The following CAPZA1 variants were observed in gnomAD, a reference collection of about 807,000 sequenced individuals.
The protein encoded by CAPZA1 is F-actin-capping protein subunit alpha-1.
In CAPZA1, 10 loss-of-function variants were observed where a neutral mutation model predicts 40.8. The observed-to-expected ratio is 0.25, with a 90% CI of 0.15 to 0.42. The LOEUF (loss-of-function observed/expected upper bound fraction) is 0.42, where lower values mean the gene tolerates loss of function less well. Ranked by LOEUF, CAPZA1 falls within the 10% of genes least tolerant of loss-of-function variation. The pLI, the probability that CAPZA1 is intolerant of heterozygous loss-of-function variation, is 1.00. For missense variants in CAPZA1, 277 were observed against 353.8 expected (o/e 0.78, Z 1.74); for synonymous variants, 98 against 115.0 (o/e 0.85, Z 0.95).
At chr1:112,626,617 A>G (rs546288456) in intron 1 of CAPZA1, among the ~76,000 whole-genome samples, 2 of 152,284 alleles carry the variant, frequency 1.3e-5, no homozygotes, top group South Asian at 4.1e-4. Flanking sequence ...ACCTGTCCAC[A>G]TTCCATCTAC....
chr1:112,669,576 A>G lies in CAPZA1; in HGVS notation c.691A>G (p.Ile231Val). 2 of 1,610,124 alleles carry G rather than the reference A, an allele frequency of 1.2e-6. No individual in the cohort carries two copies. The highest frequency in any genetic ancestry group is 1.7e-6 in the Non-Finnish European group (2 of 1,176,820). The change falls in exon 9 of 10, where the codon ATC becomes GTC. Residue 231 changes from isoleucine to valine, a missense_variant. By Grantham distance (29) the Ile-to-Val change is conservative. This residue lies in a region of CAPZA1 where 192 missense variants were observed against 277.2 expected (regional missense o/e 0.69). Transcript: ENST00000263168. ...EAQTAKEFIKIIENAENEYQT... is the reference protein window; with the variant it reads ...EAQTAKEFIKVIENAENEYQT... Reference sequence around the variant, plus strand: ...CCAAACTGCCAAGGAGTTTATTAAAATCATAGAGAATGCAGAAAATGAGTA... The same window carrying G: ...CCAAACTGCCAAGGAGTTTATTAAAGTCATAGAGAATGCAGAAAATGAGTA...
chr1:112,643,875 C>CTTTTTTTTTTTTTTTTTTTTTTTTTGAG (rs1557731528), intron 1 of CAPZA1, among the ~76,000 whole-genome samples: 1 of 152,046 alleles, frequency 6.6e-6, no homozygotes, highest in African/African-American at 2.4e-5. Context: ...GAGACAGTCT[C>CTTTTTTTTTTTTTTTTTTTTTTTTTGAG]ACTCTGTCGC....
At chr1:112,622,377 G>A (rs114321676) in intron 1 of CAPZA1, among the ~76,000 whole-genome samples, 1 of 152,124 alleles carries the variant, frequency 6.6e-6, no homozygotes, top group Non-Finnish European at 1.5e-5. Context: ...ATAACTTTTA[G>A]AAATAAATCT....
intron 1 of CAPZA1, among the ~76,000 whole-genome samples, chr1:112,628,378 C>A (rs905254342): frequency 9.9e-5 from 15 of 152,070 alleles, no homozygotes; most frequent in Admixed American, 6.6e-5. Context: ...AGGTCTCTCT[C>A]GGGGATAAAC....
chr1:112,642,849 G>A (rs887255086), intron 1 of CAPZA1, among the ~76,000 whole-genome samples: 2 of 152,024 alleles, frequency 1.3e-5, no homozygotes, highest in Admixed American at 6.6e-5. Context: ...TTTCAGTTTG[G>A]TAATTTTATT....
intron 3 of CAPZA1, among the ~76,000 whole-genome samples, chr1:112,652,497 G>C (rs1242453281): frequency 3.6e-5 from 5 of 139,800 alleles, no homozygotes; most frequent in East Asian, 4.6e-4. Flanking sequence ...AAAAAAAAAA[G>C]CTTTAAATAT....
Position 112,640,482 on chromosome 1 carries a change from G to A in CAPZA1, c.40-6728G>A, listed in dbSNP as rs1167399866. ...GCCCAGCCAGCCGCCCAGTCCGGGAGGGAGGTGGGGGGGTCAGCCCCCCGT... is the reference window on the plus strand; with the variant it reads ...GCCCAGCCAGCCGCCCAGTCCGGGAAGGAGGTGGGGGGGTCAGCCCCCCGT... On this transcript the variant is annotated intron_variant, in intron 1 of 9. Transcript: ENST00000263168. Among the ~76,000 whole-genome samples the A allele has an allele frequency of 5.2e-5, 7 of 135,898 alleles. 1 individual carries two copies. Among genetic ancestry groups the A allele is most frequent in the Middle Eastern group, 3.8e-3 (1 of 260 alleles). 89.2% of individuals were successfully genotyped at this position (135,898 alleles called of 152,430 possible). A position where few individuals can be genotyped will look rare whatever the true frequency, so the allele number is the denominator to read the frequency against.
intron 1 of CAPZA1, among the ~76,000 whole-genome samples, chr1:112,624,010 AAAAAAAAAAAG>A (rs1670744692): frequency 1.4e-5 from 2 of 147,476 alleles, no homozygotes; most frequent in Admixed American, 6.7e-5. Flanking sequence ...CATCTCAAAA[AAAAAAAAAAAG>A]AAAAAAGAAA....
In CAPZA1 at chr1:112,643,611, G is replaced by A. The variant is rs1046661860; in HGVS notation, c.40-3599G>A. Among the ~76,000 whole-genome samples the A allele has an allele frequency of 5.5e-4, 83 of 152,082 alleles. 1 individual carries two copies. The highest frequency in any genetic ancestry group is 1.9e-3 in the African/African-American group (78 of 41,420). On this transcript the variant is annotated intron_variant, in intron 1 of 9. Transcript: ENST00000263168. The stretch of plus-strand genomic sequence containing the variant: ...GATTATCATGAGAAAACTCAGGACC[G>A]AAAAAAGTTAGTAATGTTTCTAGAA...
At chr1:112,645,708 A>G (rs974928300) in intron 1 of CAPZA1, among the ~76,000 whole-genome samples, 1 of 150,340 alleles carries the variant, frequency 6.7e-6, no homozygotes, top group Admixed American at 6.7e-5. Context: ...ACTAAAATAA[A>G]TTGCTTTGCT....
At chr1:112,628,464 CT>C (rs1279883927) in intron 1 of CAPZA1, among the ~76,000 whole-genome samples, 4 of 152,028 alleles carry the variant, frequency 2.6e-5, no homozygotes, top group Non-Finnish European at 5.9e-5. Flanking sequence ...GAACTAAGTT[CT>C]TTTTTTCAGA....
At chr1:112,649,500 T>TGA in intron 3 of CAPZA1, 31 bp downstream of exon 3, 1 of 1,528,230 alleles carries the variant, frequency 6.5e-7, no homozygotes, top group Non-Finnish European at 9.1e-7. Flanking sequence ...ACTTAGAATG[T>TGA]TACTCTAACA....
chr1:112,620,473 T>C (rs1422621696), intron 1 of CAPZA1: 1 of 152,334 alleles, frequency 6.6e-6, no homozygotes, highest in African/African-American at 2.4e-5. Flanking sequence ...TTCGCTATAA[T>C]AAATCTGTGA....
intron 7 of CAPZA1, among the ~76,000 whole-genome samples, 154 bp downstream of exon 7, chr1:112,659,933 CAG>C (rs1671571571): frequency 6.6e-6 from 1 of 151,912 alleles, no homozygotes; most frequent in East Asian, 1.9e-4. Flanking sequence ...GGGTGGTAAA[CAG>C]AGAGAGCTAT....
chr1:112,640,170 C>T (rs1671117947), intron 1 of CAPZA1, among the ~76,000 whole-genome samples: 1 of 122,668 alleles, frequency 8.2e-6, no homozygotes, highest in Non-Finnish European at 1.8e-5. Context: ...GGCCAGCCGC[C>T]CAGTCCGGGA....
At chr1:112,650,090 C>G (rs1457172684) in intron 3 of CAPZA1, 2 of 152,122 alleles carry the variant, frequency 1.3e-5, no homozygotes, top group Non-Finnish European at 2.9e-5. Context: ...CTTTTCAACA[C>G]AAAGTTCTGT....
At chr1:112,634,336 T>A (rs1428890379) in intron 1 of CAPZA1, among the ~76,000 whole-genome samples, 1 of 152,212 alleles carries the variant, frequency 6.6e-6, no homozygotes, top group Non-Finnish European at 1.5e-5. Flanking sequence ...TTTGGAAAAC[T>A]TTAAAAACTT....
At chr1:112,648,277 T>C (rs1407388599) in intron 2 of CAPZA1, among the ~76,000 whole-genome samples, 1 of 152,086 alleles carries the variant, frequency 6.6e-6, no homozygotes, top group African/African-American at 2.4e-5. Flanking sequence ...GCAGCCTTTT[T>C]CTAGTCTTTT....
intron 1 of CAPZA1, among the ~76,000 whole-genome samples, chr1:112,633,603 A>G (rs570099244): frequency 2.6e-5 from 4 of 152,330 alleles, no homozygotes; most frequent in East Asian, 3.9e-4. Flanking sequence ...TCCTTTGGCT[A>G]TCTATCCAGA....
Sources: allele counts gnomAD v4.1 joint callset (sites outside exome capture counted in the v4.1 genomes callset), GRCh38; gene constraint gnomAD v4.1.1; regional missense constraint gnomAD v4.1.1; transcripts MANE v1.5; gene names NCBI Gene and HGNC (gene_info 2026-07-23, HGNC 2026-07-21).